The following TLL2 variants were observed in gnomAD, a reference collection of about 807,000 sequenced individuals.
TLL2 encodes the protein tolloid-like protein 2.
TLL2 carries 106 observed loss-of-function variants against 123.0 expected under a neutral mutation model. The ratio of observed to expected loss-of-function variants is 0.86; its 90% confidence interval spans 0.74 to 1.01. The LOEUF is 1.01. Ranked by LOEUF, TLL2 falls within the 50% of genes least tolerant of loss-of-function variation. TLL2 has a pLI of 0.00. For synonymous variants in TLL2, 494 were observed against 516.8 expected, an observed-to-expected ratio of 0.96 and a Z score of 0.60; for missense variants, 1,332 against 1,336.7, an observed-to-expected ratio of 1.00 and a Z score of 0.06.
At chr10:96,428,854 G>C in intron 4 of TLL2, 106 bp from the exon 5 acceptor site, 1 of 711,578 alleles carries the variant, frequency 1.4e-6, no homozygotes, top group Non-Finnish European at 2.3e-6. Context: ...GCCCAGGCTG[G>C]AGTGCAATAG....
intron 1 of TLL2, among the ~76,000 whole-genome samples, chr10:96,500,966 A>G (rs997149064): frequency 2.0e-5 from 3 of 152,216 alleles, no homozygotes; most frequent in South Asian, 4.1e-4. Flanking sequence ...ATTGTCATAG[A>G]GAGAGGTTCA....
Position 96,432,825 on chromosome 10 carries a change from T to A in TLL2, c.502A>T (p.Ile168Phe). The change falls in exon 4 of 21, where the codon ATT becomes TTT. Residue 168 changes from isoleucine (I) to phenylalanine (F), a missense_variant. Coordinates refer to ENST00000357947, the MANE Select transcript of TLL2 (RefSeq NM_012465.4). ...IWPGGVIPYV[I>F]GGNFTGSQRA... ...TACTGACCAGTGAAGTTCCCTCCAA[T>A]GACGTAGGGGATGACTCCTCCAGGC... 6.2e-7 allele frequency: 1 copy of A among 1,613,990 alleles called. No homozygotes were observed. The highest frequency in any genetic ancestry group is 1.1e-5 in the South Asian group (1 of 91,066).
intron 7 of TLL2, among the ~76,000 whole-genome samples, chr10:96,413,787 T>C (rs1846529991): frequency 6.6e-6 from 1 of 152,144 alleles, no homozygotes; most frequent in Non-Finnish European, 1.5e-5. Flanking sequence ...GGTTGATGAA[T>C]TGGTGGTCCC....
intron 2 of TLL2, among the ~76,000 whole-genome samples, chr10:96,479,725 G>C (rs970632927): frequency 6.6e-6 from 1 of 152,224 alleles, no homozygotes; most frequent in Non-Finnish European, 1.5e-5. Context: ...GCCCTTCACT[G>C]TCTACCCCAG....
At chr10:96,460,370 A>G (rs895282861) in intron 2 of TLL2, among the ~76,000 whole-genome samples, 6 of 152,128 alleles carry the variant, frequency 3.9e-5, no homozygotes, top group African/African-American at 1.4e-4. Flanking sequence ...CTCCAATGTG[A>G]TGGTATCTGG....
chr10:96,388,876 A>G (rs1323751762), intron 13 of TLL2, among the ~76,000 whole-genome samples: 1 of 152,158 alleles, frequency 6.6e-6, no homozygotes, highest in Non-Finnish European at 1.5e-5. Flanking sequence ...ATGGTGATGT[A>G]CTCTTGGGCT....
At chr10:96,378,910 G>T (rs1336303880) in intron 17 of TLL2, 57 bp downstream of exon 17, 1 of 1,605,176 alleles carries the variant, frequency 6.2e-7, no homozygotes, top group Non-Finnish European at 8.5e-7. Context: ...GCACACAGGG[G>T]CATGGGGTGC....
intron 2 of TLL2, 117 bp downstream of exon 2, chr10:96,480,232 A>G: frequency 1.2e-6 from 1 of 830,614 alleles, no homozygotes; most frequent in South Asian, 1.7e-5. Context: ...ATTTTCCACA[A>G]ATAGGGGGGC....
chr10:96,423,590 C>T (rs1053001408), intron 5 of TLL2, among the ~76,000 whole-genome samples: 1 of 152,006 alleles, frequency 6.6e-6, no homozygotes, highest in Non-Finnish European at 1.5e-5. Flanking sequence ...TTTAACAAGG[C>T]CTCGGGGGAG....
chr10:96,375,645 C>T (rs1846130914), intron 18 of TLL2, among the ~76,000 whole-genome samples: 1 of 152,286 alleles, frequency 6.6e-6, no homozygotes, highest in South Asian at 2.1e-4. Flanking sequence ...GTGAACTGCC[C>T]GCTGGGAGCA....
At chr10:96,492,676 C>A (rs1847426007) in intron 1 of TLL2, among the ~76,000 whole-genome samples, 1 of 152,200 alleles carries the variant, frequency 6.6e-6, no homozygotes, top group Admixed American at 6.5e-5. Context: ...CAAAGTTCCA[C>A]ATTCTAAAAG....
At chr10:96,439,899 C>G (rs868336816) in intron 3 of TLL2, among the ~76,000 whole-genome samples, 3 of 152,114 alleles carry the variant, frequency 2.0e-5, no homozygotes, top group Non-Finnish European at 2.9e-5. Flanking sequence ...TCTCCCTGTA[C>G]GAGCCAACTT....
rs386372173 is a variant in TLL2, at chr10:96,506,266, GA to G, written c.175+7244del. 3.1e-3 allele frequency among the ~76,000 whole-genome samples: 289 copies of G among 92,664 alleles called. 5 individuals carry two copies. Among genetic ancestry groups the G allele is most frequent in the African/African-American group, 4.5e-3 (106 of 23,678 alleles). 60.8% of individuals were successfully genotyped at this position (92,664 alleles called of 152,430 possible). ...GACCCCATCTCAAAAAAAAAAAAAA[GA>G]AAAAAAAAAAAGAAAAAAGGAAAGT... On this transcript the variant is annotated intron_variant, in intron 1 of 20. Coordinates refer to ENST00000357947, the MANE Select transcript of TLL2 (RefSeq NM_012465.4).
intron 3 of TLL2, among the ~76,000 whole-genome samples, chr10:96,443,926 G>C (rs891400066): frequency 3.3e-5 from 5 of 152,220 alleles, no homozygotes; most frequent in South Asian, 4.1e-4. Flanking sequence ...ATGCAGATTA[G>C]TTACATGGGT....
chr10:96,421,462 G>A (rs559829747), intron 6 of TLL2, among the ~76,000 whole-genome samples: 198 of 152,280 alleles, frequency 1.3e-3, no homozygotes, highest in African/African-American at 4.5e-3. Context: ...TCAGGAGTTC[G>A]AGACCAGCCT....
chr10:96,393,732 TTTTTTTC>T (rs1846311514), intron 13 of TLL2, among the ~76,000 whole-genome samples: 1 of 50,902 alleles, frequency 2.0e-5, no homozygotes, highest in African/African-American at 4.5e-5. Context: ...TTTTTTTTCT[TTTTTTTC>T]TTTTTTTTTT....
At chr10:96,403,627 T>TA (rs1846418196) in intron 10 of TLL2, among the ~76,000 whole-genome samples, 1 of 152,300 alleles carries the variant, frequency 6.6e-6, no homozygotes, top group Admixed American at 6.5e-5. Flanking sequence ...CCCCATGTGA[T>TA]AGTCTGAAAT....
At chr10:96,505,134 C>T (rs1178561314) in intron 1 of TLL2, among the ~76,000 whole-genome samples, 2 of 152,236 alleles carry the variant, frequency 1.3e-5, no homozygotes, top group African/African-American at 4.8e-5. Flanking sequence ...GGAGAAGCCT[C>T]AGGAAACTTA....
intron 19 of TLL2, among the ~76,000 whole-genome samples, chr10:96,371,976 A>G (rs1460405969): frequency 6.6e-6 from 1 of 152,144 alleles, no homozygotes; most frequent in Non-Finnish European, 1.5e-5. Flanking sequence ...TGCAGTTCCT[A>G]GCTCTGGTGG....
Sources: allele counts gnomAD v4.1 joint callset (sites outside exome capture counted in the v4.1 genomes callset), GRCh38; gene constraint gnomAD v4.1.1; transcripts MANE v1.5; gene names NCBI Gene and HGNC (gene_info 2026-07-23, HGNC 2026-07-21).